Variants in RBFOX2 observed in about 807,000 individuals in gnomAD.
The protein encoded by RBFOX2 is RNA binding fox-1 homolog 2, also known as RNA binding protein fox-1 homolog 2.
In RBFOX2, 10 loss-of-function variants were observed where a neutral mutation model predicts 49.1. The observed-to-expected ratio is 0.20, with a 90% CI of 0.13 to 0.35. The LOEUF is 0.35. Ranked by LOEUF, RBFOX2 falls within the 10% of genes least tolerant of loss-of-function variation. The pLI, the probability that RBFOX2 is intolerant of heterozygous loss-of-function variation, is 1.00. For missense variants in RBFOX2, 323 were observed against 486.9 expected, an observed-to-expected ratio of 0.66 and a Z score of 3.17; for synonymous variants, 183 against 187.4, an observed-to-expected ratio of 0.98 and a Z score of 0.19.
At chr22:36,006,671 T>G (rs994210901) in intron 1 of RBFOX2, among the ~76,000 whole-genome samples, 2 of 152,202 alleles carry the variant, frequency 1.3e-5, no homozygotes, top group African/African-American at 4.8e-5. Flanking sequence ...CTTGCTCGCA[T>G]GCCCTCCACC....
intron 1 of RBFOX2, among the ~76,000 whole-genome samples, chr22:36,002,872 C>A (rs1048036234): frequency 2.6e-5 from 4 of 152,252 alleles, no homozygotes; most frequent in East Asian, 3.8e-4. Context: ...ATGATCCCCC[C>A]ACCTTGGCCT....
intron 2 of RBFOX2, among the ~76,000 whole-genome samples, chr22:35,787,365 T>C (rs973257908): frequency 1.3e-5 from 2 of 151,676 alleles, no homozygotes; most frequent in African/African-American, 4.9e-5. Context: ...GAAAGAGAAA[T>C]AGGTCAGGCT....
intron 1 of RBFOX2, among the ~76,000 whole-genome samples, chr22:35,860,225 T>G (rs901014934): frequency 2.0e-5 from 3 of 152,186 alleles, no homozygotes; most frequent in East Asian, 3.9e-4. Context: ...GACAGGTGCC[T>G]GTTCACTGAG....
chr22:35,989,116 G>T (rs1015892718), intron 1 of RBFOX2, among the ~76,000 whole-genome samples: 2 of 152,202 alleles, frequency 1.3e-5, no homozygotes, highest in African/African-American at 4.8e-5. Flanking sequence ...CACTGAGCAG[G>T]TGGATACAGA....
At chr22:35,990,291 A>G (rs1188479632) in intron 1 of RBFOX2, among the ~76,000 whole-genome samples, 1 of 152,202 alleles carries the variant, frequency 6.6e-6, no homozygotes, top group African/African-American at 2.4e-5. Flanking sequence ...GAGTTTTGCC[A>G]GGTAGGAAAA....
chr22:35,944,893 C>G lies in RBFOX2; in HGVS notation c.43-5996G>C, dbSNP rs528163890. On this transcript the variant is annotated intron_variant, in intron 1 of 5. Transcript: ENST00000408983. ...GGATTCGAGACTAGCCTGGCCAACA[C>G]AGTGAAACCCCATCTATACCAAAAA... 6.6e-5 allele frequency among the ~76,000 whole-genome samples: 10 copies of G among 152,112 alleles called. No homozygotes were observed. In the South Asian group the frequency reaches 2.1e-3, roughly 32 times the overall value.
intron 1 of RBFOX2, among the ~76,000 whole-genome samples, chr22:35,814,476 A>G (rs1046588453): frequency 1.3e-5 from 2 of 152,048 alleles, no homozygotes; most frequent in African/African-American, 4.8e-5. Context: ...TGGGAGGCTG[A>G]GGAGGGAGGA....
chr22:35,750,763 C>T (rs913356262), intron 9 of RBFOX2, among the ~76,000 whole-genome samples: 4 of 152,248 alleles, frequency 2.6e-5, no homozygotes, highest in Non-Finnish European at 2.9e-5. Context: ...CATGTATGCT[C>T]GCCCTCTGTC....
At chr22:35,961,680 T>G (rs2056224227), upstream of RBFOX2, 2 of 1,303,204 alleles carry the variant, frequency 1.5e-6, no homozygotes, top group Non-Finnish European at 2.0e-6. Context: ...CATGGTAACC[T>G]CACCTCCTCC....
chr22:35,941,378 G>A (rs77928362), upstream of RBFOX2, among the ~76,000 whole-genome samples: 59 of 152,218 alleles, frequency 3.9e-4, no homozygotes, highest in Admixed American at 1.1e-3. Context: ...CAAAAAGAAT[G>A]AGATAATATA....
chr22:35,787,307 G>A (rs1946621142), intron 2 of RBFOX2, among the ~76,000 whole-genome samples: 1 of 152,158 alleles, frequency 6.6e-6, no homozygotes, highest in Admixed American at 6.6e-5. Flanking sequence ...CAAAGTGCTA[G>A]AATTATAGGC....
intron 1 of RBFOX2, among the ~76,000 whole-genome samples, chr22:35,891,323 C>T (rs1331252793): frequency 1.3e-5 from 2 of 152,074 alleles, no homozygotes; most frequent in South Asian, 2.1e-4. Flanking sequence ...TTAGTAGAGA[C>T]GGTGTTTCAC....
chr22:35,895,547 A>G (rs1196728133), intron 1 of RBFOX2, among the ~76,000 whole-genome samples: 1 of 152,138 alleles, frequency 6.6e-6, no homozygotes, highest in Non-Finnish European at 1.5e-5. Context: ...AACACAGGAA[A>G]ACTTAAGATA....
chr22:35,804,621 G>A (rs538823002), intron 2 of RBFOX2, among the ~76,000 whole-genome samples: 2 of 152,050 alleles, frequency 1.3e-5, no homozygotes, highest in South Asian at 2.1e-4. Context: ...GGGCTGGGGG[G>A]TGGAGGAAGA....
At chr22:36,007,259 CAT>C (rs1420605323) in intron 1 of RBFOX2, among the ~76,000 whole-genome samples, 1 of 151,456 alleles carries the variant, frequency 6.6e-6, no homozygotes, top group Non-Finnish European at 1.5e-5. Flanking sequence ...AATATACAAA[CAT>C]ATAAATATAT....
chr22:36,001,239 T>C (rs1314349223), intron 1 of RBFOX2, among the ~76,000 whole-genome samples: 2 of 150,752 alleles, frequency 1.3e-5, no homozygotes, highest in Non-Finnish European at 3.0e-5. Context: ...ACACACTATA[T>C]GTATATACAT....
chr22:35,921,089 C>T (rs2050971201), intron 1 of RBFOX2, among the ~76,000 whole-genome samples: 1 of 152,144 alleles, frequency 6.6e-6, no homozygotes, highest in Non-Finnish European at 1.5e-5. Flanking sequence ...TTCTTACCAG[C>T]CACTATAGTA....
chr22:35,846,606 T>A (rs893685802), intron 1 of RBFOX2, among the ~76,000 whole-genome samples: 15 of 148,574 alleles, frequency 1.0e-4, no homozygotes, highest in African/African-American at 3.5e-4. Context: ...AAAAAAAAAA[T>A]TAGCTGGGTG....
At chr22:35,854,237 G>T (rs963408386) in intron 1 of RBFOX2, among the ~76,000 whole-genome samples, 1 of 149,394 alleles carries the variant, frequency 6.7e-6, no homozygotes, top group Non-Finnish European at 1.5e-5. Context: ...ATAATAATAC[G>T]ACCACATTTG....
Sources: allele counts gnomAD v4.1 joint callset (sites outside exome capture counted in the v4.1 genomes callset), GRCh38; gene constraint gnomAD v4.1.1; transcripts MANE v1.5; gene names NCBI Gene and HGNC (gene_info 2026-07-23, HGNC 2026-07-21).